The following CNTN5 variants were observed in gnomAD, a reference collection of about 807,000 sequenced individuals.
CNTN5 encodes contactin 5.
A neutral mutation model predicts 129.1 loss-of-function variants in CNTN5; 77 were observed. The observed-to-expected ratio is 0.60, with a 90% CI of 0.50 to 0.72. The LOEUF (loss-of-function observed/expected upper bound fraction) is 0.72, where lower values mean the gene tolerates loss of function less well. Ranked by LOEUF, CNTN5 falls within the 30% of genes least tolerant of loss-of-function variation. The pLI is 0.00. For missense variants in CNTN5, 1,478 were observed against 1,328.8 expected (o/e 1.11, Z -1.75); for synonymous variants, 509 against 465.6 (o/e 1.09, Z -1.20).
intron 6 of CNTN5, among the ~76,000 whole-genome samples, chr11:99,896,940 T>A (rs904577116): frequency 6.6e-6 from 1 of 152,170 alleles, no homozygotes; most frequent in Non-Finnish European, 1.5e-5. Context: ...TCCCTTGGGA[T>A]CCCACCACCT....
At chr11:99,212,225 T>G (rs1859838556) in intron 1 of CNTN5, among the ~76,000 whole-genome samples, 1 of 152,148 alleles carries the variant, frequency 6.6e-6, no homozygotes, top group Non-Finnish European at 1.5e-5. Context: ...ATCACCATTT[T>G]ACATAAAAAC....
chr11:99,629,206 C>T (rs1051941171), intron 3 of CNTN5, among the ~76,000 whole-genome samples: 1 of 151,906 alleles, frequency 6.6e-6, no homozygotes, highest in African/African-American at 2.4e-5. Flanking sequence ...TTTGTAGCCA[C>T]AAAATTATTA....
intron 3 of CNTN5, among the ~76,000 whole-genome samples, chr11:99,582,496 G>T (rs1470558374): frequency 1.3e-5 from 2 of 152,102 alleles, no homozygotes. Context: ...TTCACATAGT[G>T]CCATATTTCT....
At position 99,072,549 on chromosome 11, in the gene CNTN5, G is replaced by C. The variant is rs532242188; in HGVS notation, c.-210+51279G>C. On this transcript the variant is annotated intron_variant, in intron 1 of 24. Coordinates refer to ENST00000524871, the MANE Select transcript of CNTN5 (RefSeq NM_014361.4). Reference sequence around the variant, plus strand: ...AGTTGCCTTATTTGTAATTACAACTGAGGTTGTACCTTAAATTGTTTCCTA... The same window carrying C: ...AGTTGCCTTATTTGTAATTACAACTCAGGTTGTACCTTAAATTGTTTCCTA... Among the ~76,000 whole-genome samples, 5 of 152,128 alleles carry C rather than the reference G, an allele frequency of 3.3e-5. No homozygotes were observed. In the East Asian group the frequency reaches 9.7e-4, roughly 29 times the overall value.
chr11:99,238,478 A>G (rs1861387406), intron 1 of CNTN5, among the ~76,000 whole-genome samples: 1 of 152,166 alleles, frequency 6.6e-6, no homozygotes, highest in Admixed American at 6.5e-5. Context: ...ACTCTCATAT[A>G]GTTGTAATTT....
chr11:99,203,636 T>C (rs529074518), intron 1 of CNTN5, among the ~76,000 whole-genome samples: 17 of 152,072 alleles, frequency 1.1e-4, no homozygotes, highest in African/African-American at 4.1e-4. Context: ...GTCTCCAAGG[T>C]TGGAGTGCAA....
intron 4 of CNTN5, among the ~76,000 whole-genome samples, chr11:99,836,629 A>T (rs904015030): frequency 6.6e-6 from 1 of 152,124 alleles, no homozygotes; most frequent in African/African-American, 2.4e-5. Context: ...TTATAGCAGC[A>T]TGATTTATAA....
chr11:100,029,889 A>C (rs1271266483), intron 9 of CNTN5, among the ~76,000 whole-genome samples: 1 of 152,200 alleles, frequency 6.6e-6, no homozygotes, highest in Non-Finnish European at 1.5e-5. Context: ...TAAATTTTTT[A>C]ACCTATGCTT....
intron 1 of CNTN5, among the ~76,000 whole-genome samples, chr11:99,148,744 A>G (rs1007101825): frequency 4.6e-5 from 7 of 152,188 alleles, no homozygotes; most frequent in African/African-American, 1.4e-4. Context: ...GTAATTTAAT[A>G]TAATTATATC....
chr11:100,002,263 A>C (rs1939922468), intron 9 of CNTN5, 127 bp downstream of exon 9: 1 of 570,288 alleles, frequency 1.8e-6, no homozygotes, highest in African/African-American at 2.0e-5. Flanking sequence ...TTATTTTCTA[A>C]AAGAAGGTCA....
chr11:99,078,512 G>T (rs138518692), intron 1 of CNTN5, among the ~76,000 whole-genome samples: 7 of 152,266 alleles, frequency 4.6e-5, no homozygotes, highest in East Asian at 1.9e-4. Context: ...CAATAGCCAA[G>T]ATTTGGAATT....
intron 2 of CNTN5, among the ~76,000 whole-genome samples, chr11:99,406,856 A>C (rs1942094363): frequency 6.6e-6 from 1 of 152,170 alleles, no homozygotes; most frequent in African/African-American, 2.4e-5. Context: ...CATCGGGAGT[A>C]CTGCCAGAAT....
intron 1 of CNTN5, among the ~76,000 whole-genome samples, chr11:99,272,073 C>T (rs1002440165): frequency 7.9e-5 from 12 of 152,010 alleles, no homozygotes; most frequent in South Asian, 6.2e-4. Context: ...TTATTCAATT[C>T]TTACTGCAAC....
intron 8 of CNTN5, among the ~76,000 whole-genome samples, chr11:99,968,051 C>A (rs1433116418): frequency 2.0e-5 from 3 of 152,132 alleles, no homozygotes; most frequent in Non-Finnish European, 2.9e-5. Context: ...TATAGCAAAG[C>A]TGTACACATC....
At chr11:99,346,687 T>C (rs887895823) in intron 2 of CNTN5, among the ~76,000 whole-genome samples, 12 of 152,142 alleles carry the variant, frequency 7.9e-5, no homozygotes, top group African/African-American at 2.7e-4. Flanking sequence ...TTCCCAGTGG[T>C]ATTATATTTA....
chr11:99,698,409 T>C (rs1460951447), intron 3 of CNTN5, among the ~76,000 whole-genome samples: 1 of 151,426 alleles, frequency 6.6e-6, no homozygotes, highest in East Asian at 1.9e-4. Flanking sequence ...TGGAATCCCT[T>C]TGTAATAAAT....
At chr11:99,619,924 G>A (rs1034828522) in intron 3 of CNTN5, among the ~76,000 whole-genome samples, 1 of 150,382 alleles carries the variant, frequency 6.6e-6, no homozygotes, top group Non-Finnish European at 1.5e-5. Context: ...TACTCGGAAG[G>A]CTGAGGCAGG....
At chr11:100,097,122 T>C (rs2138037082) in intron 13 of CNTN5, among the ~76,000 whole-genome samples, 1 of 152,284 alleles carries the variant, frequency 6.6e-6, no homozygotes, top group African/African-American at 2.4e-5. Flanking sequence ...GAAATGTACT[T>C]TTTCCTAAGT....
chr11:100,340,337 T>C, intron 21 of CNTN5, 126 bp from the exon 22 acceptor site: 3 of 617,282 alleles, frequency 4.9e-6, no homozygotes, highest in Non-Finnish European at 8.4e-6. Flanking sequence ...GTTAATTGGG[T>C]GATATAGGAG....
Sources: gnomAD v4.1 joint callset for allele counts (sites outside exome capture counted in the v4.1 genomes callset) on GRCh38, gnomAD v4.1.1 for gene constraint, MANE v1.5 for transcripts, NCBI Gene and HGNC (gene_info 2026-07-23, HGNC 2026-07-21) for gene names.